CCDC141: variants seen among roughly 807,000 people sequenced by gnomAD.
The protein encoded by CCDC141 is coiled-coil domain-containing protein 141.
CCDC141 carries 168 observed loss-of-function variants against 181.0 expected under a neutral mutation model. That is an observed-to-expected ratio of 0.93 (90% CI 0.82 to 1.05). The LOEUF is 1.05. Among genes scored for constraint, CCDC141 ranks in the 50% least tolerant of loss-of-function variants. The pLI, the probability that CCDC141 is intolerant of heterozygous loss-of-function variation, is 0.00. For missense variants in CCDC141, 1,902 were observed against 1,788.5 expected (o/e 1.06, Z -1.14); for synonymous variants, 666 against 642.3 (o/e 1.04, Z -0.56).
intron 6 of CCDC141, among the ~76,000 whole-genome samples, chr2:178,944,061 GC>G (rs1252296825): frequency 2.6e-5 from 4 of 152,264 alleles, no homozygotes; most frequent in Non-Finnish European, 5.9e-5. Context: ...TTTTTAGAAA[GC>G]TAAAATGTAT....
chr2:178,852,077 A>G (rs747162077), intron 20 of CCDC141, among the ~76,000 whole-genome samples: 4 of 152,216 alleles, frequency 2.6e-5, no homozygotes, highest in Admixed American at 6.5e-5. Context: ...GCCATTAGAC[A>G]GTGAACTAAC....
intron 2 of CCDC141, among the ~76,000 whole-genome samples, chr2:179,018,574 C>T (rs1409952185): frequency 6.6e-6 from 1 of 152,162 alleles, no homozygotes. Context: ...ATCTGCCTAT[C>T]TAAAACCTGT....
At position 178,918,695 on chromosome 2, in the gene CCDC141, A is replaced by G; in HGVS notation, c.1092+18T>C. Reference sequence around the variant, plus strand: ...TCTGCCTGATTACCGAAAATTATCAACTTGACCTCACACTGACCTTGTTAG... The same window carrying G: ...TCTGCCTGATTACCGAAAATTATCAGCTTGACCTCACACTGACCTTGTTAG... On this transcript the variant is annotated intron_variant, in intron 7 of 23. Coordinates refer to ENST00000443758, the MANE Select transcript of CCDC141 (RefSeq NM_173648.4). The G allele has an allele frequency of 7.8e-6, 12 of 1,544,242 alleles. No individual in the cohort carries two copies. The highest frequency in any genetic ancestry group is 8.8e-6 in the Non-Finnish European group (10 of 1,142,538).
Position 178,887,540 on chromosome 2 carries a change from C to T in CCDC141, c.1408-669G>A, listed in dbSNP as rs190450971. On this transcript the variant is annotated intron_variant, in intron 9 of 23. Coordinates refer to ENST00000443758, the MANE Select transcript of CCDC141 (RefSeq NM_173648.4). ...GGCTCCAAATTGGCAATAGGACAAG[C>T]AGCAACAGCTGAGGTCCTACTGTTC... 4.8e-3 allele frequency among the ~76,000 whole-genome samples: 730 copies of T among 152,238 alleles called. 3 individuals are homozygous for T. Among genetic ancestry groups the T allele is most frequent in the Middle Eastern group, 0.02 (6 of 294 alleles).
intron 4 of CCDC141, 111 bp from the exon 5 acceptor site, chr2:178,961,594 A>C: frequency 1.1e-6 from 1 of 924,934 alleles, no homozygotes; most frequent in East Asian, 2.7e-5. Flanking sequence ...TTAATAAAAA[A>C]CAAGTTGTGC....
intron 2 of CCDC141, among the ~76,000 whole-genome samples, chr2:178,987,076 G>A (rs1324988929): frequency 6.7e-6 from 1 of 148,464 alleles, no homozygotes; most frequent in Non-Finnish European, 1.5e-5. Context: ...TATACTACAA[G>A]GCTACAGTAA....
intron 2 of CCDC141, chr2:179,002,574 G>C (rs1192276049): frequency 6.8e-6 from 2 of 292,460 alleles, no homozygotes; most frequent in Non-Finnish European, 1.3e-5. Context: ...ACACACCCAA[G>C]ATTCAGCATC....
At chr2:178,880,733 A>T (rs1273607845) in intron 11 of CCDC141, among the ~76,000 whole-genome samples, 1 of 152,234 alleles carries the variant, frequency 6.6e-6, no homozygotes, top group African/African-American at 2.4e-5. Flanking sequence ...AGGGTGTTAT[A>T]AGAATTAAAT....
intron 20 of CCDC141, 133 bp from the exon 21 acceptor site, chr2:178,850,294 G>A (rs1430909206): frequency 1.2e-5 from 7 of 594,966 alleles, no homozygotes; most frequent in Non-Finnish European, 1.8e-5. Flanking sequence ...ATTTGCTGAA[G>A]AGATAAATAA....
chr2:178,862,175 C>T (rs756501014), intron 17 of CCDC141, among the ~76,000 whole-genome samples: 2 of 152,038 alleles, frequency 1.3e-5, no homozygotes, highest in Admixed American at 6.6e-5. Flanking sequence ...AACATGTGAC[C>T]GATACATGGA....
chr2:178,998,184 G>A (rs1286376518), intron 2 of CCDC141, among the ~76,000 whole-genome samples: 1 of 152,110 alleles, frequency 6.6e-6, no homozygotes, highest in African/African-American at 2.4e-5. Flanking sequence ...AATCAACAGG[G>A]AGCTGTAGAA....
chr2:178,964,838 C>T (rs1446000363), intron 4 of CCDC141, among the ~76,000 whole-genome samples: 1 of 152,174 alleles, frequency 6.6e-6, no homozygotes, highest in African/African-American at 2.4e-5. Flanking sequence ...GACTGTATAT[C>T]AGCACATACG....
chr2:178,982,984 G>T (rs910499950), intron 2 of CCDC141, among the ~76,000 whole-genome samples: 9 of 152,228 alleles, frequency 5.9e-5, no homozygotes, highest in Non-Finnish European at 8.8e-5. Context: ...AGGCCTGCCT[G>T]CCTCTGTAGG....
At chr2:179,032,748 G>A (rs990610307) in intron 2 of CCDC141, among the ~76,000 whole-genome samples, 3 of 151,786 alleles carry the variant, frequency 2.0e-5, no homozygotes, top group African/African-American at 7.3e-5. Context: ...CATCTTTCCT[G>A]GTACTAGAAC....
chr2:178,816,965 T>G, the CCDC141 span, among the ~76,000 whole-genome samples: 1 of 152,118 alleles, frequency 6.6e-6, no homozygotes, highest in Non-Finnish European at 1.5e-5. Flanking sequence ...AATGAGAACT[T>G]TGGGTTACTC....
intron 2 of CCDC141, among the ~76,000 whole-genome samples, chr2:178,979,313 G>A (rs754992512): frequency 6.6e-6 from 1 of 151,916 alleles, no homozygotes; most frequent in Non-Finnish European, 1.5e-5. Context: ...CAAAATAAAG[G>A]CATAATTTTT....
At chr2:178,972,297 T>C (rs1424941997) in intron 4 of CCDC141, among the ~76,000 whole-genome samples, 1 of 152,204 alleles carries the variant, frequency 6.6e-6, no homozygotes, top group African/African-American at 2.4e-5. Context: ...TGTTGCTCAC[T>C]TTTGCATCAT....
At chr2:178,989,639 A>AATAT (rs1691945683) in intron 2 of CCDC141, among the ~76,000 whole-genome samples, 1 of 149,768 alleles carries the variant, frequency 6.7e-6, no homozygotes, top group African/African-American at 2.4e-5. Flanking sequence ...TAAATAAATA[A>AATAT]ATAAAACAAT....
At position 178,872,115 on chromosome 2, in the gene CCDC141, C is replaced by T; in HGVS notation, c.2079+18G>A. The T allele has an allele frequency of 6.2e-7, 1 of 1,610,456 alleles. No individual in the cohort carries two copies. Among genetic ancestry groups the T allele is most frequent in the Non-Finnish European group, 8.5e-7 (1 of 1,178,322 alleles). On this transcript the variant is annotated intron_variant, in intron 13 of 23. Transcript: ENST00000443758. ...CGGAATTTCATTCCTTTTCACATCC[C>T]ATTGTTCCTTGCCTCACCTTTTTAA...
Sources: allele counts gnomAD v4.1 joint callset (sites outside exome capture counted in the v4.1 genomes callset), GRCh38; gene constraint gnomAD v4.1.1; transcripts MANE v1.5; gene names NCBI Gene and HGNC (gene_info 2026-07-23, HGNC 2026-07-21).